The following FAM135B variants were observed in gnomAD, a reference collection of about 807,000 sequenced individuals.
FAM135B encodes family with sequence similarity 135 member B.
FAM135B carries 43 observed loss-of-function variants against 127.7 expected under a neutral mutation model. That is an observed-to-expected ratio of 0.34 (90% CI 0.26 to 0.43). The LOEUF (loss-of-function observed/expected upper bound fraction) is 0.43. FAM135B is among the 20% of genes least tolerant of loss of function. FAM135B has a pLI of 1.00. For synonymous variants in FAM135B, 670 were observed against 665.1 expected, an observed-to-expected ratio of 1.01 and a Z score of -0.11; for missense variants, 1,558 against 1,725.6, an observed-to-expected ratio of 0.90 and a Z score of 1.72.
chr8:138,296,512 A>G (rs1825493777), intron 3 of FAM135B, among the ~76,000 whole-genome samples: 1 of 152,248 alleles, frequency 6.6e-6, no homozygotes, highest in Admixed American at 6.5e-5. Flanking sequence ...ACATAATTTT[A>G]TGAAAATAAT....
intron 1 of FAM135B, chr8:138,437,332 A>T (rs1460641592): frequency 6.6e-6 from 1 of 152,154 alleles, no homozygotes; most frequent in African/African-American, 2.4e-5. Context: ...CCCACCTGTC[A>T]TGGAAGGAAC....
intron 15 of FAM135B, chr8:138,144,148 C>T (rs1817456042): frequency 6.6e-6 from 1 of 152,266 alleles, no homozygotes; most frequent in Admixed American, 6.5e-5. Flanking sequence ...AGGCCAGGCG[C>T]AGTGGCCCAT....
At chr8:138,455,317 T>C (rs1836714997) in intron 1 of FAM135B, among the ~76,000 whole-genome samples, 1 of 152,322 alleles carries the variant, frequency 6.6e-6, no homozygotes, top group South Asian at 2.1e-4. Context: ...TGCACAATTG[T>C]CATAGATTTC....
intron 1 of FAM135B, among the ~76,000 whole-genome samples, chr8:138,406,620 A>C (rs889133427): frequency 2.0e-5 from 3 of 152,162 alleles, no homozygotes; most frequent in Admixed American, 6.5e-5. Context: ...CAAATCAATA[A>C]ATGTAATCCA....
chr8:138,424,127 C>T (rs1489180431), intron 1 of FAM135B, among the ~76,000 whole-genome samples: 1 of 152,070 alleles, frequency 6.6e-6, no homozygotes, highest in Admixed American at 6.6e-5. Context: ...TTAACGCAAT[C>T]ATCACAGGGT....
Position 138,146,031 on chromosome 8 carries a change from C to A in FAM135B, c.3468G>T (p.Arg1156=), listed in dbSNP as rs147305959. Residue 1156 remains arginine (R), a synonymous_variant, in exon 15 of 20, where the codon CGG becomes CGT. Transcript: ENST00000395297. ...HGLDGNSADL[R]LVKTFIELGL... is the part of the protein sequence containing the mutation. ...CCAGTTCTATGAAAGTCTTTACCAG[C>A]CGGAGGTCTGCACTGTTCCCTAAAA... The A allele has an allele frequency of 1.2e-5, 20 of 1,606,136 alleles. No individual in the cohort carries two copies. Among genetic ancestry groups the A allele is most frequent in the African/African-American group, 9.4e-5 (7 of 74,834 alleles).
At chr8:138,357,761 T>C (rs540543501) in intron 2 of FAM135B, among the ~76,000 whole-genome samples, 137 of 152,250 alleles carry the variant, frequency 9.0e-4, no homozygotes, top group African/African-American at 3.2e-3. Context: ...AAAGAAACAT[T>C]CTAGAGTTTA....
At chr8:138,179,977 T>G (rs1814857157) in intron 9 of FAM135B, among the ~76,000 whole-genome samples, 1 of 152,194 alleles carries the variant, frequency 6.6e-6, no homozygotes, top group Admixed American at 6.5e-5. Context: ...CTGGCTTCAC[T>G]CCACATTTCT....
intron 1 of FAM135B, among the ~76,000 whole-genome samples, chr8:138,396,583 TTG>T (rs577649146): frequency 6.2e-4 from 95 of 152,272 alleles, no homozygotes; most frequent in African/African-American, 2.1e-3. Flanking sequence ...TTTACAGCAA[TTG>T]TGTGTATAAC....
At chr8:138,234,328 A>G (rs1466926833) in intron 7 of FAM135B, among the ~76,000 whole-genome samples, 1 of 152,210 alleles carries the variant, frequency 6.6e-6, no homozygotes, top group Admixed American at 6.5e-5. Flanking sequence ...ATTGCTAAAA[A>G]TATAATTATT....
intron 7 of FAM135B, among the ~76,000 whole-genome samples, chr8:138,221,485 G>A (rs7840496): frequency 0.4 from 60,183 of 151,956 alleles, 12,407 homozygotes; most frequent in African/African-American, 0.49. Flanking sequence ...GTGAGGACAC[G>A]GATTCAAACC....
chr8:138,317,307 T>C (rs534303478), intron 2 of FAM135B, among the ~76,000 whole-genome samples: 2 of 152,248 alleles, frequency 1.3e-5, no homozygotes, highest in African/African-American at 4.8e-5. Flanking sequence ...AGTTGCAAAA[T>C]TATGAAAATA....
Position 138,296,812 on chromosome 8 carries a change from C to A in FAM135B, c.157+14029G>T, listed in dbSNP as rs141070834. ...GGTAACTATTTCTCTTGCTATTATT[C>A]AAAAACCCTAAAATTGATTTTTTTA... On this transcript the variant is annotated intron_variant, in intron 3 of 19. Coordinates refer to ENST00000395297, the MANE Select transcript of FAM135B (RefSeq NM_015912.4). Among the ~76,000 whole-genome samples, 963 of 152,202 alleles carry A rather than the reference C, an allele frequency of 6.3e-3. 9 individuals are homozygous for A. The highest frequency in any genetic ancestry group is 0.022 in the African/African-American group (912 of 41,530).
At chr8:138,273,258 T>G (rs11775344) in intron 3 of FAM135B, among the ~76,000 whole-genome samples, 1 of 152,076 alleles carries the variant, frequency 6.6e-6, no homozygotes, top group Non-Finnish European at 1.5e-5. Context: ...CAGGCTGGAG[T>G]GCAGTGGCGT....
chr8:138,238,551 C>T (rs1229092870), intron 7 of FAM135B, among the ~76,000 whole-genome samples: 1 of 152,210 alleles, frequency 6.6e-6, no homozygotes, highest in Non-Finnish European at 1.5e-5. Context: ...CCTGTCTCAG[C>T]AACCCTTACC....
chr8:138,197,443 C>A (rs2131134121), intron 8 of FAM135B, 73 bp downstream of exon 8: 1 of 1,543,728 alleles, frequency 6.5e-7, no homozygotes, highest in South Asian at 1.2e-5. Flanking sequence ...AGCATGCCAG[C>A]TTTTCCCCAT....
At chr8:138,391,488 C>T (rs144001019) in intron 1 of FAM135B, among the ~76,000 whole-genome samples, 364 of 152,180 alleles carry the variant, frequency 2.4e-3, no homozygotes, top group African/African-American at 8.4e-3. Context: ...TAATTCGCTC[C>T]TCCCTAGCCC....
At chr8:138,273,042 G>T (rs1823509820) in intron 3 of FAM135B, among the ~76,000 whole-genome samples, 1 of 152,168 alleles carries the variant, frequency 6.6e-6, no homozygotes, top group Admixed American at 6.5e-5. Context: ...CCTGGTACAA[G>T]ATGTAACATA....
chr8:138,484,350 G>A (rs1814904654), intron 1 of FAM135B, among the ~76,000 whole-genome samples: 2 of 152,138 alleles, frequency 1.3e-5, no homozygotes, highest in African/African-American at 2.4e-5. Context: ...GGCTGAGAGG[G>A]AAATGGTTTG....
Sources: gnomAD v4.1 joint callset for allele counts (sites outside exome capture counted in the v4.1 genomes callset) on GRCh38, gnomAD v4.1.1 for gene constraint, MANE v1.5 for transcripts, NCBI Gene and HGNC (gene_info 2026-07-23, HGNC 2026-07-21) for gene names.